The following SLC35F2 variants were observed in gnomAD, a reference collection of about 807,000 sequenced individuals.
SLC35F2 encodes solute carrier family 35 member F2.
Under a neutral mutation model 38.1 loss-of-function variants are expected in SLC35F2, and 25 were observed. The observed-to-expected ratio is 0.66, with a 90% CI of 0.48 to 0.92. The LOEUF (loss-of-function observed/expected upper bound fraction) is 0.92, where lower values mean the gene tolerates loss of function less well. Among genes scored for constraint, SLC35F2 ranks in the 40% least tolerant of loss-of-function variants. The pLI is 0.00. For missense variants in SLC35F2, 409 were observed against 452.9 expected, an observed-to-expected ratio of 0.90 and a Z score of 0.88; for synonymous variants, 173 against 181.7, an observed-to-expected ratio of 0.95 and a Z score of 0.38.
At chr11:107,834,589 G>A (rs1859900331) in intron 1 of SLC35F2, among the ~76,000 whole-genome samples, 1 of 152,158 alleles carries the variant, frequency 6.6e-6, no homozygotes, top group African/African-American at 2.4e-5. Flanking sequence ...GGCGGAGGTT[G>A]CAGTGAGCCG....
chr11:107,857,341 G>C (rs1860310739), intron 1 of SLC35F2, among the ~76,000 whole-genome samples: 2 of 142,158 alleles, frequency 1.4e-5, no homozygotes, highest in African/African-American at 5.2e-5. Context: ...GAAGGAGAGA[G>C]AGGGAAGGAA....
At chr11:107,832,309 G>C (rs1361847983) in intron 1 of SLC35F2, among the ~76,000 whole-genome samples, 2 of 152,144 alleles carry the variant, frequency 1.3e-5, no homozygotes, top group Non-Finnish European at 2.9e-5. Context: ...ATTCTATTCT[G>C]AATCTACGAG....
chr11:107,853,714 C>T (rs1252637355), intron 1 of SLC35F2, among the ~76,000 whole-genome samples: 19 of 104,910 alleles, frequency 1.8e-4, no homozygotes, highest in East Asian at 5.8e-4. Flanking sequence ...AGCGAGACTC[C>T]GTCTCAAAAA....
chr11:107,803,552 GT>G, intron 6 of SLC35F2: 5 of 963,914 alleles, frequency 5.2e-6, no homozygotes, highest in Non-Finnish European at 6.2e-6. Context: ...CTTTGCTTTT[GT>G]TTGGTTGGAC....
chr11:107,815,720 G>T, intron 2 of SLC35F2, 70 bp downstream of exon 2: 1 of 1,501,982 alleles, frequency 6.7e-7, no homozygotes, highest in South Asian at 1.3e-5. Context: ...GAATTTAGAG[G>T]TGTCATACTT....
chr11:107,858,735 G>A lies in SLC35F2; in HGVS notation c.33C>T (p.Ala11=), dbSNP rs771611381. 2 of 1,285,576 alleles carry A rather than the reference G, an allele frequency of 1.6e-6. No homozygotes were observed. Among genetic ancestry groups the A allele is most frequent in the Admixed American group, 7.0e-5 (2 of 28,552 alleles). 79.6% of individuals were successfully genotyped at this position (1,285,576 alleles called of 1,614,324 possible). The change falls in exon 1 of 8, where the codon GCC becomes GCT. Residue 11 remains alanine (A), a synonymous_variant. Transcript: ENST00000525815. ...CCGCTCCCTCCGCGAGGGGCTCTGG[G>A]GCGCCGGGGCCCGCTGGCGAGTCTG... MEADSPAGPG[A]PEPLAEGAAA... is the part of the protein sequence containing the mutation.
chr11:107,809,703 T>A lies in SLC35F2; in HGVS notation c.414+1964A>T, dbSNP rs1324704751. 104 of 982,534 alleles carry A rather than the reference T, an allele frequency of 1.1e-4. 1 individual carries two copies. Among genetic ancestry groups the A allele is most frequent in the Non-Finnish European group, 1.2e-4 (103 of 827,360 alleles). The allele number at this position is 982,534 out of a possible 1,614,324, so 60.9% of individuals were successfully genotyped here. A position where few individuals can be genotyped will look rare whatever the true frequency, so the allele number is the denominator to read the frequency against. On this transcript the variant is annotated intron_variant, in intron 3 of 7. Transcript: ENST00000525815. ...GTTCGAAGAGTATCAATTTTATTTT[T>A]AAAAATTATTGTATAGTCACAGTAA... is the stretch of plus-strand genomic sequence containing the variant.
intron 3 of SLC35F2, among the ~76,000 whole-genome samples, chr11:107,808,102 C>T (rs185843297): frequency 8.7e-4 from 133 of 152,312 alleles, no homozygotes; most frequent in Middle Eastern, 6.8e-3. Flanking sequence ...TCGGGCTAAG[C>T]GCTACAAAGA....
At chr11:107,810,392 A>G (rs1859463387) in intron 3 of SLC35F2, 2 of 984,950 alleles carry the variant, frequency 2.0e-6, no homozygotes, top group Non-Finnish European at 2.4e-6. Context: ...AAAACTTTTT[A>G]TCATTAGTTA....
rs1323137766 is a variant in SLC35F2 at position 107,811,689 on chromosome 11, T to C, written c.392A>G (p.Tyr131Cys). 1 of 1,614,006 alleles carries C rather than the reference T, an allele frequency of 6.2e-7. No individual in the cohort carries two copies. Among genetic ancestry groups the C allele is most frequent in the Admixed American group, 1.7e-5 (1 of 59,998 alleles). Residue 131 changes from tyrosine (Y) to cysteine (C), a missense_variant, in exon 3 of 8, where the codon TAC becomes TGC. Physicochemically the swap from Tyr to Cys is radical, Grantham distance 194. Transcript: ENST00000525815. The stretch of plus-strand genomic sequence containing the variant: ...TACCTGGACACTGGTTAGAGTTGTG[T>C]ACTGGTAGGCTCTGACGATCACATA... ...ANYVIVRAYQ[Y>C]TTLTSVQLLD...
intron 1 of SLC35F2, chr11:107,821,619 C>T: frequency 5.1e-6 from 5 of 985,400 alleles, no homozygotes; most frequent in Non-Finnish European, 4.8e-6. Flanking sequence ...GAATTCTGAA[C>T]AGAGGAACCC....
At chr11:107,806,641 T>G (rs1565429618) in intron 4 of SLC35F2, 76 bp downstream of exon 4, 1 of 1,385,194 alleles carries the variant, frequency 7.2e-7, no homozygotes, top group South Asian at 1.2e-5. Context: ...AGTAAACAAG[T>G]TTCTTTGTTG....
At chr11:107,813,649 C>T (rs1005405082) in intron 2 of SLC35F2, among the ~76,000 whole-genome samples, 1 of 152,090 alleles carries the variant, frequency 6.6e-6, no homozygotes, top group Non-Finnish European at 1.5e-5. Context: ...TAACCATGTA[C>T]AGTTCCACTC....
At chr11:107,846,111 C>T (rs536384023) in intron 1 of SLC35F2, among the ~76,000 whole-genome samples, 3 of 151,884 alleles carry the variant, frequency 2.0e-5, no homozygotes, top group East Asian at 3.9e-4. Context: ...ACTTTGACTA[C>T]AAGCAATTCT....
At chr11:107,826,415 T>G (rs1322588712) in intron 1 of SLC35F2, among the ~76,000 whole-genome samples, 3 of 152,042 alleles carry the variant, frequency 2.0e-5, no homozygotes. Context: ...CAACCAATTT[T>G]GTATTTTTAG....
At chr11:107,821,514 CA>C in intron 1 of SLC35F2, 3 of 985,360 alleles carry the variant, frequency 3.0e-6, no homozygotes, top group Non-Finnish European at 3.6e-6. Flanking sequence ...CAAGAACACT[CA>C]AACTTATAGA....
chr11:107,824,266 C>T (rs1397648309), intron 1 of SLC35F2, among the ~76,000 whole-genome samples: 3 of 152,102 alleles, frequency 2.0e-5, no homozygotes, highest in Admixed American at 6.6e-5. Context: ...ATGTCTTACT[C>T]GGAATAGGTG....
intron 1 of SLC35F2, among the ~76,000 whole-genome samples, chr11:107,834,941 G>A (rs912068659): frequency 1.3e-5 from 2 of 152,108 alleles, no homozygotes; most frequent in African/African-American, 4.8e-5. Context: ...CCACACTACT[G>A]AAATATACAA....
Position 107,858,779 on chromosome 11 carries a change from C to A in SLC35F2, c.-12G>T. Reference sequence around the variant, plus strand: ...GAGTCTGCCTCCATCGGCGCCCTTGCGCGTCTCCGGCGCCCAAAACCCCCG... The same window carrying A: ...GAGTCTGCCTCCATCGGCGCCCTTGAGCGTCTCCGGCGCCCAAAACCCCCG... On this transcript the variant is annotated 5_prime_UTR_variant, in exon 1 of 8. Coordinates refer to ENST00000525815, the MANE Select transcript of SLC35F2 (RefSeq NM_017515.5). 1 of 1,254,124 alleles carries A rather than the reference C, an allele frequency of 8.0e-7. No individual in the cohort carries two copies. Among genetic ancestry groups the A allele is most frequent in the African/African-American group, 1.5e-5 (1 of 65,130 alleles). 77.7% of individuals were successfully genotyped at this position (1,254,124 alleles called of 1,614,324 possible). A position where few individuals can be genotyped will look rare whatever the true frequency, so the allele number is the denominator to read the frequency against.
Sources: allele counts gnomAD v4.1 joint callset (sites outside exome capture counted in the v4.1 genomes callset), GRCh38; gene constraint gnomAD v4.1.1; transcripts MANE v1.5; gene names NCBI Gene and HGNC (gene_info 2026-07-23, HGNC 2026-07-21).